The following ARMC8 variants were observed in gnomAD, a reference collection of about 807,000 sequenced individuals.
The protein encoded by ARMC8 is armadillo repeat-containing protein 8.
In ARMC8, 20 loss-of-function variants were observed where a neutral mutation model predicts 99.3. The observed-to-expected ratio is 0.20, with a 90% confidence interval of 0.14 to 0.29. The LOEUF (loss-of-function observed/expected upper bound fraction) is 0.29, where lower values mean the gene tolerates loss of function less well. Among genes scored for constraint, ARMC8 ranks in the 10% least tolerant of loss-of-function variants. The pLI is 1.00. For synonymous variants in ARMC8, 263 were observed against 278.3 expected, an observed-to-expected ratio of 0.95 and a Z score of 0.55; for missense variants, 569 against 809.5, an observed-to-expected ratio of 0.70 and a Z score of 3.60.
Position 138,209,801 on chromosome 3 carries a change from TC to T in ARMC8, c.46-10del. On this transcript the variant is annotated splice_polypyrimidine_tract_variant and intron_variant, in intron 1 of 21. Transcript: ENST00000469044. ...GCATGGCTTCAGATGTCATAATTTTTCCCCCCACTTTCTAGGAAGTAACAGC... is the reference window on the plus strand; with the variant it reads ...GCATGGCTTCAGATGTCATAATTTTTCCCCCACTTTCTAGGAAGTAACAGC... The T allele has an allele frequency of 6.2e-7, 1 of 1,611,794 alleles. No individual in the cohort carries two copies. The highest frequency in any genetic ancestry group is 8.5e-7 in the Non-Finnish European group (1 of 1,178,236).
intron 18 of ARMC8, among the ~76,000 whole-genome samples, chr3:138,280,720 C>T (rs1560041315): frequency 2.0e-5 from 3 of 151,688 alleles, no homozygotes; most frequent in Non-Finnish European, 4.4e-5. Context: ...TCTTGAACTC[C>T]GAACCTAGTG....
At chr3:138,190,592 AT>A (rs2043328623) in intron 1 of ARMC8, among the ~76,000 whole-genome samples, 1 of 152,104 alleles carries the variant, frequency 6.6e-6, no homozygotes, top group African/African-American at 2.4e-5. Context: ...CCCGGCCGAG[AT>A]TCTTTATCTT....
chr3:138,255,455 G>A (rs1300381908), intron 12 of ARMC8, among the ~76,000 whole-genome samples: 1 of 152,016 alleles, frequency 6.6e-6, no homozygotes, highest in Non-Finnish European at 1.5e-5. Context: ...GCCCGCCTTG[G>A]CCTCCCAAAG....
chr3:138,278,223 G>T (rs189724729), intron 18 of ARMC8, among the ~76,000 whole-genome samples: 1 of 151,976 alleles, frequency 6.6e-6, no homozygotes, highest in African/African-American at 2.4e-5. Context: ...TATACATTTG[G>T]TAGGCCAGGC....
At chr3:138,204,242 C>T (rs112860954) in intron 1 of ARMC8, among the ~76,000 whole-genome samples, 5 of 151,976 alleles carry the variant, frequency 3.3e-5, no homozygotes, top group Non-Finnish European at 5.9e-5. Flanking sequence ...TACAGTCACC[C>T]GCCACTACAC....
rs544551948 is a variant in ARMC8, at chr3:138,225,250, A to G, written c.435+1517A>G. On this transcript the variant is annotated intron_variant, in intron 5 of 21. Transcript: ENST00000469044. ...CCTCCCGAGCTACTCAGCTGGGCCT[A>G]CAGGCATGTGCCACCACGCCCAGCT... Among the ~76,000 whole-genome samples, 5 of 151,742 alleles carry G rather than the reference A, an allele frequency of 3.3e-5. No individual in the cohort carries two copies. In the South Asian group the frequency reaches 6.2e-4, roughly 19 times the overall value.
At position 138,187,494 on chromosome 3, in the gene ARMC8, G is replaced by C; in HGVS notation, c.-61G>C. ...CGGTGCCTAGCGTTGGCCAATAGTT[G>C]GCTGTCGAAAGTGCCGGCCCCCGCG... On this transcript the variant is annotated 5_prime_UTR_variant, in exon 1 of 22. Coordinates refer to ENST00000469044, the MANE Select transcript of ARMC8 (RefSeq NM_001363941.2). 8 of 1,518,304 alleles carry C rather than the reference G, an allele frequency of 5.3e-6. No homozygotes were observed. The highest frequency in any genetic ancestry group is 6.2e-6 in the Non-Finnish European group (7 of 1,131,060). The allele number at this position is 1,518,304 out of a possible 1,614,324, so 94.1% of individuals were successfully genotyped here. A position where few individuals can be genotyped will look rare whatever the true frequency, so the allele number is the denominator to read the frequency against.
At chr3:138,225,796 A>G (rs2045664456) in intron 5 of ARMC8, among the ~76,000 whole-genome samples, 1 of 152,192 alleles carries the variant, frequency 6.6e-6, no homozygotes, top group African/African-American at 2.4e-5. Flanking sequence ...GGCTTTATAA[A>G]TATTTCAAGA....
intron 11 of ARMC8, 112 bp downstream of exon 11, chr3:138,242,095 G>C: frequency 1.3e-6 from 1 of 797,494 alleles, no homozygotes; most frequent in South Asian, 1.8e-5. Context: ...TTTAAATAAA[G>C]GTTCTTTTAT....
At chr3:138,282,553 G>A (rs894812334) in intron 18 of ARMC8, among the ~76,000 whole-genome samples, 2 of 151,504 alleles carry the variant, frequency 1.3e-5, no homozygotes, top group African/African-American at 4.9e-5. Context: ...ACTAAGGCAG[G>A]GAGCATTGCT....
intron 16 of ARMC8, among the ~76,000 whole-genome samples, chr3:138,271,909 C>A (rs546813204): frequency 4.4e-4 from 67 of 151,734 alleles, no homozygotes; most frequent in Admixed American, 2.5e-3. Flanking sequence ...GATTCTTGTG[C>A]CTCAACCTCC....
rs561767170 is a variant in ARMC8, at chr3:138,270,596, A to G, written c.1479+464A>G. On this transcript the variant is annotated intron_variant, in intron 16 of 21. Coordinates refer to ENST00000469044, the MANE Select transcript of ARMC8 (RefSeq NM_001363941.2). ...AAATAAAAATTATGTGTGTTTATAA[A>G]GTACAACATGATGTTTTGAAAGATA... Among the ~76,000 whole-genome samples, 17 of 152,352 alleles carry G rather than the reference A, an allele frequency of 1.1e-4. No individual in the cohort carries two copies. In the South Asian group the frequency reaches 2.9e-3, roughly 26 times the overall value.
In ARMC8 at chr3:138,297,691, A is replaced by G. The variant is rs2051608054; in HGVS notation, c.*1799A>G. ...AACATCACCGATTTTAAAATCTGTCACAACAGGACTTGGTTTTGTGCAGAT... is the reference window on the plus strand; with the variant it reads ...AACATCACCGATTTTAAAATCTGTCGCAACAGGACTTGGTTTTGTGCAGAT... On this transcript the variant is annotated 3_prime_UTR_variant, in exon 22 of 22. Transcript: ENST00000469044. The G allele has an allele frequency of 6.6e-6, 1 of 152,350 alleles. No individual in the cohort carries two copies. Among genetic ancestry groups the G allele is most frequent in the East Asian group, 1.9e-4 (1 of 5,192 alleles). 9.4% of individuals were successfully genotyped at this position (152,350 alleles called of 1,614,324 possible). A position where few individuals can be genotyped will look rare whatever the true frequency, so the allele number is the denominator to read the frequency against.
intron 19 of ARMC8, among the ~76,000 whole-genome samples, chr3:138,285,077 A>G (rs1012135935): frequency 2.6e-5 from 4 of 152,166 alleles, no homozygotes; most frequent in Non-Finnish European, 5.9e-5. Context: ...TGTCACACCT[A>G]TCTGTCTTCT....
At chr3:138,250,964 A>G (rs1209251538) in intron 12 of ARMC8, among the ~76,000 whole-genome samples, 1 of 152,104 alleles carries the variant, frequency 6.6e-6, no homozygotes, top group Non-Finnish European at 1.5e-5. Context: ...TTGGGGCAAC[A>G]TAGCGAAACT....
chr3:138,220,848 C>T (rs146754976), intron 2 of ARMC8, among the ~76,000 whole-genome samples: 1 of 152,050 alleles, frequency 6.6e-6, no homozygotes, highest in East Asian at 1.9e-4. Flanking sequence ...TGCCACCACA[C>T]CTGGCTAATT....
chr3:138,220,628 C>A (rs1319838057), intron 2 of ARMC8, among the ~76,000 whole-genome samples: 1 of 151,840 alleles, frequency 6.6e-6, no homozygotes, highest in African/African-American at 2.4e-5. Flanking sequence ...TTCTTTAATG[C>A]CAGTAAATAT....
intron 12 of ARMC8, among the ~76,000 whole-genome samples, chr3:138,255,604 C>T (rs1037655693): frequency 6.6e-6 from 1 of 152,004 alleles, no homozygotes; most frequent in Non-Finnish European, 1.5e-5. Flanking sequence ...AATACTTTGT[C>T]AAGTGTTTAC....
intron 1 of ARMC8, among the ~76,000 whole-genome samples, chr3:138,193,734 A>T (rs557321030): frequency 1.3e-5 from 2 of 152,374 alleles, no homozygotes; most frequent in African/African-American, 4.8e-5. Flanking sequence ...AGATTTTATC[A>T]TAAAATAAAA....
Sources: gnomAD v4.1 joint callset for allele counts (sites outside exome capture counted in the v4.1 genomes callset) on GRCh38, gnomAD v4.1.1 for gene constraint, MANE v1.5 for transcripts, NCBI Gene and HGNC (gene_info 2026-07-23, HGNC 2026-07-21) for gene names.